The following SV2C variants were observed in gnomAD, a reference collection of about 807,000 sequenced individuals.
SV2C encodes the protein synaptic vesicle glycoprotein 2C.
SV2C carries 49 observed loss-of-function variants against 79.7 expected under a neutral mutation model. The ratio of observed to expected loss-of-function variants is 0.61; its 90% CI spans 0.49 to 0.78. The LOEUF is 0.78. Among genes scored for constraint, SV2C ranks in the 30% least tolerant of loss-of-function variants. SV2C has a pLI of 0.00. For missense variants in SV2C, 833 were observed against 912.9 expected (o/e 0.91, Z 1.13); for synonymous variants, 334 against 333.2 (o/e 1.00, Z -0.03).
the SV2C span, among the ~76,000 whole-genome samples, chr5:76,059,934 A>C: frequency 0.015 from 2,346 of 152,234 alleles, 59 homozygotes; most frequent in African/African-American, 0.049. Flanking sequence ...CAGGCAAGAA[A>C]ACAATATTAA....
chr5:76,129,815 C>G (rs1312839066), intron 1 of SV2C, among the ~76,000 whole-genome samples: 1 of 152,074 alleles, frequency 6.6e-6, no homozygotes, highest in Non-Finnish European at 1.5e-5. Context: ...TTTCAACTAA[C>G]CAGAATTTGG....
At chr5:76,231,135 T>TC (rs1304563536) in intron 4 of SV2C, among the ~76,000 whole-genome samples, 17 of 152,190 alleles carry the variant, frequency 1.1e-4, no homozygotes, top group Admixed American at 9.8e-4. Context: ...CACCCCCTCG[T>TC]CAGTTCAGTT....
chr5:76,265,951 T>G (rs1028013179), intron 4 of SV2C, among the ~76,000 whole-genome samples: 47 of 152,278 alleles, frequency 3.1e-4, no homozygotes, highest in African/African-American at 1.1e-3. Context: ...AAGACTGATT[T>G]TTTTAATCAT....
chr5:76,217,570 C>T (rs6453211), intron 4 of SV2C, among the ~76,000 whole-genome samples: 81,363 of 151,980 alleles, frequency 0.54, 21,962 homozygotes, highest in East Asian at 0.69. Context: ...AAAATAATCT[C>T]GTTAGAATAC....
intron 12 of SV2C, among the ~76,000 whole-genome samples, chr5:76,325,141 A>G (rs1463275165): frequency 6.6e-6 from 1 of 152,202 alleles, no homozygotes; most frequent in Non-Finnish European, 1.5e-5. Context: ...AGGCAGAGTA[A>G]GAGTCAATGG....
chr5:76,243,460 G>A (rs1333102135), intron 4 of SV2C, among the ~76,000 whole-genome samples: 1 of 152,172 alleles, frequency 6.6e-6, no homozygotes, highest in African/African-American at 2.4e-5. Flanking sequence ...TTCTGGGCTT[G>A]CCATAATGCT....
In SV2C at chr5:76,180,540, G is replaced by A. The variant is rs368993580; in HGVS notation, c.581-14379G>A. On this transcript the variant is annotated intron_variant, in intron 2 of 12. Transcript: ENST00000502798. ...GTCTTCACTGATGCCCTGTGCTGAC[G>A]CATTTGTTCCAGTTCTTTTCAGTCC... Among the ~76,000 whole-genome samples the A allele has an allele frequency of 5.3e-5, 8 of 152,288 alleles. No homozygotes were observed. In the South Asian group the frequency reaches 1.2e-3, roughly 24 times the overall value.
chr5:76,095,216 C>T (rs188501151), intron 1 of SV2C, among the ~76,000 whole-genome samples: 2 of 152,020 alleles, frequency 1.3e-5, no homozygotes, highest in East Asian at 3.9e-4. Flanking sequence ...ACAGAGTTCC[C>T]AGTTACTCCA....
chr5:75,864,429 C>A, the SV2C span, among the ~76,000 whole-genome samples: 1 of 152,170 alleles, frequency 6.6e-6, no homozygotes, highest in South Asian at 2.1e-4. Flanking sequence ...AGCCAAGGGG[C>A]AGACACAAAG....
chr5:76,194,789 G>C, intron 2 of SV2C, 130 bp from the exon 3 acceptor site: 2 of 1,103,906 alleles, frequency 1.8e-6, no homozygotes, highest in Non-Finnish European at 2.6e-6. Flanking sequence ...GTGTCCTGAA[G>C]GTTATATTTT....
the SV2C span, among the ~76,000 whole-genome samples, chr5:75,903,988 G>C: frequency 6.6e-6 from 1 of 152,194 alleles, no homozygotes; most frequent in Non-Finnish European, 1.5e-5. Context: ...AATTAACAGT[G>C]TTGTGAAAGG....
At chr5:76,209,682 C>A in intron 3 of SV2C, 54 bp from the exon 4 acceptor site, 2 of 1,546,222 alleles carry the variant, frequency 1.3e-6, no homozygotes, top group Non-Finnish European at 1.8e-6. Flanking sequence ...CCCTTTGCGT[C>A]TCACATGAGC....
the SV2C span, among the ~76,000 whole-genome samples, chr5:75,936,277 C>T: frequency 6.6e-6 from 1 of 152,120 alleles, no homozygotes; most frequent in Non-Finnish European, 1.5e-5. Context: ...GGGGACTGTC[C>T]TCCTCTGCTT....
chr5:76,219,059 T>A (rs1289472947), intron 4 of SV2C, among the ~76,000 whole-genome samples: 1 of 152,134 alleles, frequency 6.6e-6, no homozygotes, highest in Non-Finnish European at 1.5e-5. Flanking sequence ...TGCCCACTAC[T>A]CTAGGGTGTC....
the SV2C span, among the ~76,000 whole-genome samples, chr5:75,952,294 C>CCTTCCTTT: frequency 1.4e-4 from 20 of 138,654 alleles, no homozygotes; most frequent in East Asian, 9.8e-4. Context: ...TTCCTTTCTT[C>CCTTCCTTT]CTTCCTTCCT....
chr5:76,111,971 A>G (rs373324098), intron 1 of SV2C, among the ~76,000 whole-genome samples: 1 of 152,200 alleles, frequency 6.6e-6, no homozygotes, highest in East Asian at 1.9e-4. Context: ...AAAGGTCACA[A>G]TCCACATTTG....
chr5:76,335,194 C>T (rs1749286297), downstream of SV2C, among the ~76,000 whole-genome samples: 1 of 152,176 alleles, frequency 6.6e-6, no homozygotes, highest in African/African-American at 2.4e-5. Flanking sequence ...TGTGCATTCA[C>T]ACCCCTCTGC....
At chr5:76,146,823 C>CAAAAAAAAA (rs1749449157) in intron 2 of SV2C, among the ~76,000 whole-genome samples, 2 of 109,446 alleles carry the variant, frequency 1.8e-5, no homozygotes, top group Non-Finnish European at 3.6e-5. Context: ...AAAAAAAAGC[C>CAAAAAAAAA]AAACAAAACA....
At chr5:75,887,586 C>T in the SV2C span, among the ~76,000 whole-genome samples, 7 of 152,048 alleles carry the variant, frequency 4.6e-5, no homozygotes, top group African/African-American at 1.7e-4. Flanking sequence ...ATGCAGGTAC[C>T]TTAATAAGGC....
Sources: gnomAD v4.1 joint callset for allele counts (sites outside exome capture counted in the v4.1 genomes callset) on GRCh38, gnomAD v4.1.1 for gene constraint, MANE v1.5 for transcripts, NCBI Gene and HGNC (gene_info 2026-07-23, HGNC 2026-07-21) for gene names.